The following CCDC102B variants were observed in gnomAD, a reference collection of about 807,000 sequenced individuals.
CCDC102B encodes coiled-coil domain-containing protein 102B.
A neutral mutation model predicts 57.4 loss-of-function variants in CCDC102B; 75 were observed. The ratio of observed to expected loss-of-function variants is 1.31; its 90% CI spans 1.08 to 1.58. CCDC102B has a LOEUF of 1.58. CCDC102B is among the 40% of genes most tolerant of loss of function. The probability of loss-of-function intolerance (pLI) is 0.00; values close to 1 mark genes in which losing one functional copy is unlikely to be tolerated. For synonymous variants in CCDC102B, 206 were observed against 201.9 expected, an observed-to-expected ratio of 1.02 and a Z score of -0.17; for missense variants, 636 against 582.6, an observed-to-expected ratio of 1.09 and a Z score of -0.94.
chr18:68,995,717 C>T (rs1464706426), intron 6 of CCDC102B, among the ~76,000 whole-genome samples: 1 of 152,134 alleles, frequency 6.6e-6, no homozygotes, highest in African/African-American at 2.4e-5. Flanking sequence ...TCTGCCAGGG[C>T]AGTGCAGAAG....
intron 4 of CCDC102B, among the ~76,000 whole-genome samples, chr18:68,853,971 C>T (rs2038262363): frequency 6.6e-6 from 1 of 152,156 alleles, no homozygotes; most frequent in Non-Finnish European, 1.5e-5. Context: ...GTGAACCCAC[C>T]TGTGCAGAGG....
chr18:68,738,515 C>T (rs1410569648), intron 2 of CCDC102B, among the ~76,000 whole-genome samples: 1 of 152,026 alleles, frequency 6.6e-6, no homozygotes, highest in African/African-American at 2.4e-5. Flanking sequence ...AGCACTGGTC[C>T]CCGATGGTGG....
intron 2 of CCDC102B, among the ~76,000 whole-genome samples, chr18:68,769,722 T>G (rs547151454): frequency 1.3e-5 from 2 of 152,102 alleles, no homozygotes; most frequent in Non-Finnish European, 2.9e-5. Flanking sequence ...AAGCAAGATC[T>G]CTTCCAATAA....
intron 6 of CCDC102B, among the ~76,000 whole-genome samples, chr18:69,004,336 C>T (rs1231440656): frequency 6.6e-6 from 1 of 152,126 alleles, no homozygotes; most frequent in Non-Finnish European, 1.5e-5. Flanking sequence ...GGGACCTCAG[C>T]TGATCCTTGG....
chr18:68,950,665 T>C (rs775656192), intron 6 of CCDC102B, among the ~76,000 whole-genome samples: 6 of 152,168 alleles, frequency 3.9e-5, no homozygotes, highest in African/African-American at 7.2e-5. Flanking sequence ...CATGATCATT[T>C]TGGCATATAC....
chr18:68,932,977 T>C (rs2041726396), intron 6 of CCDC102B, among the ~76,000 whole-genome samples: 1 of 151,876 alleles, frequency 6.6e-6, no homozygotes, highest in South Asian at 2.1e-4. Context: ...TCATTAGTAT[T>C]TTTGACTAAA....
intron 5 of CCDC102B, among the ~76,000 whole-genome samples, chr18:68,882,302 A>G (rs1014030287): frequency 1.3e-5 from 2 of 152,214 alleles, no homozygotes; most frequent in African/African-American, 4.8e-5. Context: ...TCTTACAATG[A>G]CTTTAGCAAC....
intron 2 of CCDC102B, among the ~76,000 whole-genome samples, chr18:68,779,887 G>A (rs2034949244): frequency 6.6e-6 from 1 of 151,958 alleles, no homozygotes; most frequent in Non-Finnish European, 1.5e-5. Flanking sequence ...CATTTAAAAT[G>A]TACAGTTCAA....
intron 3 of CCDC102B, among the ~76,000 whole-genome samples, chr18:68,844,064 A>T (rs1456324737): frequency 6.6e-6 from 1 of 152,004 alleles, no homozygotes; most frequent in African/African-American, 2.4e-5. Flanking sequence ...CTTTTACATA[A>T]TAAAAATGCA....
In CCDC102B at chr18:68,950,279, G is replaced by A. The variant is rs1279146489; in HGVS notation, c.1263+52851G>A. 7.2e-5 allele frequency among the ~76,000 whole-genome samples: 11 copies of A among 152,222 alleles called. No individual in the cohort carries two copies. In the South Asian group the frequency reaches 1.7e-3, roughly 23 times the overall value. Reference sequence around the variant, plus strand: ...TGTGAATTGGCTGAAACAGTTATGTGTAGACAGTAGTATATTTCAGAGTAT... The same window carrying A: ...TGTGAATTGGCTGAAACAGTTATGTATAGACAGTAGTATATTTCAGAGTAT... On this transcript the variant is annotated intron_variant, in intron 6 of 7. Transcript: ENST00000360242.
At chr18:69,003,097 A>G (rs879135901) in intron 6 of CCDC102B, among the ~76,000 whole-genome samples, 8 of 152,170 alleles carry the variant, frequency 5.3e-5, no homozygotes, top group African/African-American at 1.9e-4. Flanking sequence ...ATCTGTCTCA[A>G]AATATTTTTT....
chr18:68,856,714 T>A lies in CCDC102B; in HGVS notation c.936+10293T>A, dbSNP rs75354955. Among the ~76,000 whole-genome samples, 1,305 of 152,230 alleles carry A rather than the reference T, an allele frequency of 8.6e-3. 15 individuals carry two copies. Among genetic ancestry groups the A allele is most frequent in the East Asian group, 0.037 (189 of 5,176 alleles). ...TAATCTACGAAGTTTAAAAAGTTTG[T>A]AAGTGATAAATTAAAATGGTATCAC... On this transcript the variant is annotated intron_variant, in intron 4 of 7. Coordinates refer to ENST00000360242, the MANE Select transcript of CCDC102B (RefSeq NM_024781.3).
At position 68,890,948 on chromosome 18, in the gene CCDC102B, AG is replaced by A. The variant is rs1163870152; in HGVS notation, c.1054-6269del. 3.0e-4 allele frequency among the ~76,000 whole-genome samples: 45 copies of A among 152,184 alleles called. 1 individual carries two copies. The highest frequency in any genetic ancestry group is 2.9e-3 in the Admixed American group (45 of 15,284). On this transcript the variant is annotated intron_variant, in intron 5 of 7. Coordinates refer to ENST00000360242, the MANE Select transcript of CCDC102B (RefSeq NM_024781.3). ...TAACTATTATCTGTTTATTAATCAT[AG>A]GAGTGGGACTTATTTCTTTAGGAAT...
intron 7 of CCDC102B, among the ~76,000 whole-genome samples, chr18:69,033,015 T>G (rs10503139): frequency 0.03 from 4,515 of 152,272 alleles, 147 homozygotes; most frequent in East Asian, 0.16. Flanking sequence ...GTTAGATTTT[T>G]TAAGACATCT....
intron 6 of CCDC102B, among the ~76,000 whole-genome samples, chr18:68,901,209 C>T (rs1193166855): frequency 6.6e-6 from 1 of 152,088 alleles, no homozygotes; most frequent in Non-Finnish European, 1.5e-5. Flanking sequence ...TATTTGAGTA[C>T]ATCAACAAAC....
At chr18:68,845,044 A>C (rs1390351609) in intron 3 of CCDC102B, among the ~76,000 whole-genome samples, 2 of 151,920 alleles carry the variant, frequency 1.3e-5, no homozygotes, top group Non-Finnish European at 2.9e-5. Flanking sequence ...TTTTGAGGTT[A>C]AGCTAAGCTC....
intron 5 of CCDC102B, among the ~76,000 whole-genome samples, chr18:68,893,244 A>G (rs1360833939): frequency 1.3e-5 from 2 of 152,186 alleles, no homozygotes; most frequent in Admixed American, 1.3e-4. Context: ...TCATAACACT[A>G]GGTTGTAGGA....
intron 2 of CCDC102B, chr18:68,755,033 A>G (rs545373055): frequency 6.6e-6 from 1 of 152,310 alleles, no homozygotes; most frequent in African/African-American, 2.4e-5. Flanking sequence ...TGTTATAGCA[A>G]CCTGAATGGA....
intron 2 of CCDC102B, among the ~76,000 whole-genome samples, chr18:68,776,805 GA>G (rs961550104): frequency 3.3e-5 from 5 of 151,928 alleles, no homozygotes; most frequent in Admixed American, 2.6e-4. Context: ...ATGTACCCCT[GA>G]ACTTTAAAGT....
Sources: allele counts gnomAD v4.1 joint callset (sites outside exome capture counted in the v4.1 genomes callset), GRCh38; gene constraint gnomAD v4.1.1; transcripts MANE v1.5; gene names NCBI Gene and HGNC (gene_info 2026-07-23, HGNC 2026-07-21).